Variants in HHAT observed in about 807,000 individuals in gnomAD.
The protein encoded by HHAT is hedgehog acyltransferase.
HHAT carries 47 observed loss-of-function variants against 70.8 expected under a neutral mutation model. The observed-to-expected ratio is 0.66, with a 90% CI of 0.53 to 0.85. HHAT has a LOEUF of 0.85. Ranked by LOEUF, HHAT falls within the 40% of genes least tolerant of loss-of-function variation. HHAT has a pLI of 0.00. For missense variants in HHAT, 609 were observed against 604.8 expected (o/e 1.01, Z -0.07); for synonymous variants, 228 against 247.6 (o/e 0.92, Z 0.74).
At chr1:210,467,678 T>C (rs1349463855) in intron 8 of HHAT, among the ~76,000 whole-genome samples, 1 of 152,128 alleles carries the variant, frequency 6.6e-6, no homozygotes, top group East Asian at 1.9e-4. Context: ...GGATGGGAAG[T>C]GGAGGGAAGA....
intron 7 of HHAT, among the ~76,000 whole-genome samples, chr1:210,430,580 G>A (rs1054314330): frequency 3.3e-5 from 5 of 151,730 alleles, no homozygotes; most frequent in African/African-American, 9.7e-5. Flanking sequence ...TTACATGAGC[G>A]TATTATTTGT....
intron 7 of HHAT, among the ~76,000 whole-genome samples, chr1:210,442,168 A>G (rs1480700823): frequency 6.9e-6 from 1 of 145,332 alleles, no homozygotes; most frequent in East Asian, 2.0e-4. Context: ...TGTCCCTACA[A>G]AGGACATGAA....
intron 7 of HHAT, among the ~76,000 whole-genome samples, chr1:210,433,369 A>C (rs988219013): frequency 2.0e-5 from 3 of 151,874 alleles, no homozygotes; most frequent in African/African-American, 7.3e-5. Context: ...TGAGTGATTG[A>C]TACAAGATTT....
chr1:210,432,462 G>A (rs2093273258), intron 7 of HHAT, among the ~76,000 whole-genome samples: 1 of 151,964 alleles, frequency 6.6e-6, no homozygotes, highest in South Asian at 2.1e-4. Flanking sequence ...CTTTCATTTT[G>A]GCAAATGGGA....
At chr1:210,505,048 A>C (rs1022787930) in intron 8 of HHAT, among the ~76,000 whole-genome samples, 2 of 151,608 alleles carry the variant, frequency 1.3e-5, no homozygotes, top group Non-Finnish European at 2.9e-5. Flanking sequence ...ACAGGTGCCC[A>C]CCACTACACC....
intron 3 of HHAT, among the ~76,000 whole-genome samples, chr1:210,376,367 C>A (rs1261103987): frequency 1.3e-5 from 2 of 152,198 alleles, no homozygotes; most frequent in Middle Eastern, 3.4e-3. Flanking sequence ...CCCTTACATT[C>A]GTTTTATATG....
intron 8 of HHAT, among the ~76,000 whole-genome samples, chr1:210,485,187 A>T (rs1469868178): frequency 6.6e-6 from 1 of 152,152 alleles, no homozygotes; most frequent in East Asian, 1.9e-4. Flanking sequence ...CCCATGCAGG[A>T]GTGGGCTCAA....
chr1:210,579,790 C>T (rs1047908463), intron 9 of HHAT, among the ~76,000 whole-genome samples: 2 of 152,154 alleles, frequency 1.3e-5, no homozygotes, highest in African/African-American at 4.8e-5. Flanking sequence ...TGTGCTTGGA[C>T]TGAGCCATTC....
chr1:210,619,313 C>A (rs1383107667), intron 10 of HHAT, among the ~76,000 whole-genome samples: 1 of 152,108 alleles, frequency 6.6e-6, no homozygotes, highest in African/African-American at 2.4e-5. Flanking sequence ...TCAGGAGTGT[C>A]AGGGGAGGAA....
At chr1:210,374,913 G>C (rs1309741412) in intron 3 of HHAT, among the ~76,000 whole-genome samples, 1 of 151,810 alleles carries the variant, frequency 6.6e-6, no homozygotes, top group Admixed American at 6.6e-5. Context: ...CCAGTAGTTA[G>C]TTTTTCAGGC....
intron 7 of HHAT, among the ~76,000 whole-genome samples, chr1:210,451,706 G>C (rs888514796): frequency 7.2e-5 from 11 of 152,198 alleles, no homozygotes; most frequent in Middle Eastern, 3.4e-3. Flanking sequence ...AGCCTCTCAA[G>C]TAGCTATGAC....
At chr1:210,668,896 C>A (rs1307851338) in intron 11 of HHAT, among the ~76,000 whole-genome samples, 2 of 152,192 alleles carry the variant, frequency 1.3e-5, no homozygotes, top group Non-Finnish European at 2.9e-5. Flanking sequence ...GTCTCAGCGT[C>A]CCCAGTAGCT....
chr1:210,527,478 A>T (rs1421267825), intron 9 of HHAT, among the ~76,000 whole-genome samples: 2 of 152,226 alleles, frequency 1.3e-5, no homozygotes, highest in East Asian at 1.9e-4. Flanking sequence ...AGTGCTTAGG[A>T]TAGTGCTCAG....
At chr1:210,425,596 G>A (rs1232154308) in intron 7 of HHAT, among the ~76,000 whole-genome samples, 1 of 152,090 alleles carries the variant, frequency 6.6e-6, no homozygotes, top group Non-Finnish European at 1.5e-5. Flanking sequence ...ATTGAGGAGG[G>A]AATTATTTCC....
intron 6 of HHAT, among the ~76,000 whole-genome samples, chr1:210,411,446 C>T (rs1171813284): frequency 6.6e-6 from 1 of 152,190 alleles, no homozygotes; most frequent in Admixed American, 6.5e-5. Context: ...AGCTAGAAGA[C>T]TTGCTTCTCT....
At chr1:210,362,202 C>T (rs1484043682) in intron 2 of HHAT, among the ~76,000 whole-genome samples, 3 of 151,836 alleles carry the variant, frequency 2.0e-5, no homozygotes, top group African/African-American at 7.3e-5. Flanking sequence ...GATCCAATCA[C>T]CATAGTTTTG....
intron 7 of HHAT, among the ~76,000 whole-genome samples, chr1:210,434,863 A>C (rs1470854101): frequency 6.6e-5 from 10 of 151,922 alleles, no homozygotes; most frequent in African/African-American, 2.4e-5. Flanking sequence ...AAAACTTTTT[A>C]ACTTGTAAAA....
At chr1:210,350,911 T>G (rs2086961175) in intron 2 of HHAT, among the ~76,000 whole-genome samples, 1 of 152,208 alleles carries the variant, frequency 6.6e-6, no homozygotes, top group South Asian at 2.1e-4. Flanking sequence ...TTTTATCTAG[T>G]TAAGGAAGTT....
intron 9 of HHAT, among the ~76,000 whole-genome samples, chr1:210,546,673 A>T (rs543338429): frequency 1.1e-4 from 17 of 152,308 alleles, no homozygotes; most frequent in African/African-American, 4.1e-4. Flanking sequence ...ATAACCCAGC[A>T]CTTGTGTGGA....
Sources: gnomAD v4.1 joint callset for allele counts (sites outside exome capture counted in the v4.1 genomes callset) on GRCh38, gnomAD v4.1.1 for gene constraint, MANE v1.5 for transcripts, NCBI Gene and HGNC (gene_info 2026-07-23, HGNC 2026-07-21) for gene names.